DOCK8: variants seen among roughly 807,000 people sequenced by gnomAD.
DOCK8 encodes the protein dedicator of cytokinesis protein 8.
Under a neutral mutation model 245.6 loss-of-function variants are expected in DOCK8, and 141 were observed. The ratio of observed to expected loss-of-function variants is 0.57; its 90% CI spans 0.50 to 0.66. The LOEUF is 0.66. Among genes scored for constraint, DOCK8 ranks in the 30% least tolerant of loss-of-function variants. The pLI, the probability that DOCK8 is intolerant of heterozygous loss-of-function variation, is 0.00. For missense variants in DOCK8, 2,965 were observed against 2,603.4 expected (o/e 1.14, Z -3.02); for synonymous variants, 1,168 against 970.2 (o/e 1.20, Z -3.79).
At chr9:372,378 G>C (rs2053332347) in intron 18 of DOCK8, 92 bp downstream of exon 18, 1 of 1,007,244 alleles carries the variant, frequency 9.9e-7, no homozygotes, top group African/African-American at 1.6e-5. Context: ...TGTGGCCATG[G>C]ATGTTCATCA....
At chr9:316,939 T>G (rs1436076055) in intron 6 of DOCK8, 104 bp from the exon 7 acceptor site, 7 of 915,468 alleles carry the variant, frequency 7.6e-6, no homozygotes, top group Non-Finnish European at 1.1e-5. Context: ...CAAATCTAAG[T>G]TAACTTGAGC....
intron 27 of DOCK8, among the ~76,000 whole-genome samples, chr9:406,182 T>C (rs2055407789): frequency 6.6e-6 from 1 of 152,184 alleles, no homozygotes; most frequent in Non-Finnish European, 1.5e-5. Context: ...TCTGACAATG[T>C]GCTTAAGCCA....
At chr9:266,679 A>G (rs1185261118) in intron 1 of DOCK8, among the ~76,000 whole-genome samples, 1 of 152,206 alleles carries the variant, frequency 6.6e-6, no homozygotes, top group Non-Finnish European at 1.5e-5. Flanking sequence ...AAAAAAACAT[A>G]GAGCTTCTCT....
At chr9:461,399 A>G (rs984938493) in intron 46 of DOCK8, among the ~76,000 whole-genome samples, 1 of 150,254 alleles carries the variant, frequency 6.7e-6, no homozygotes, top group Non-Finnish European at 1.5e-5. Context: ...ATTTTTTCAT[A>G]TTTTTTTATT....
intron 1 of DOCK8, among the ~76,000 whole-genome samples, chr9:222,058 A>G (rs758048711): frequency 2.7e-4 from 41 of 152,030 alleles, no homozygotes; most frequent in Non-Finnish European, 5.4e-4. Context: ...CCAGGAGTTC[A>G]AGACCAGCCT....
chr9:245,459 C>T (rs1232400270), intron 1 of DOCK8, among the ~76,000 whole-genome samples: 1 of 152,164 alleles, frequency 6.6e-6, no homozygotes, highest in Non-Finnish European at 1.5e-5. Flanking sequence ...CTGCCCTCCT[C>T]AGCCTCCCAA....
At chr9:278,710 C>T (rs962604793) in intron 2 of DOCK8, among the ~76,000 whole-genome samples, 7 of 152,266 alleles carry the variant, frequency 4.6e-5, no homozygotes, top group African/African-American at 7.2e-5. Flanking sequence ...AGGAACAGTA[C>T]GTGCAAAGTC....
intron 26 of DOCK8, among the ~76,000 whole-genome samples, chr9:403,893 TATATATATATATATATATATATA>T (rs1333721285): frequency 0.014 from 887 of 65,442 alleles, 17 homozygotes; most frequent in African/African-American, 0.048. Flanking sequence ...TCTCTCTCTC[TATATATATATATATATATATATA>T]CATATATATA....
At chr9:346,689 C>T (rs991043989) in intron 14 of DOCK8, among the ~76,000 whole-genome samples, 1 of 152,162 alleles carries the variant, frequency 6.6e-6, no homozygotes, top group African/African-American at 2.4e-5. Context: ...TGAATGTTCT[C>T]AGACCAGAAG....
At chr9:224,855 G>T (rs1013826885) in intron 1 of DOCK8, among the ~76,000 whole-genome samples, 22 of 152,174 alleles carry the variant, frequency 1.4e-4, no homozygotes, top group African/African-American at 5.3e-4. Flanking sequence ...CACTGACAAT[G>T]CAGGAGTCCC....
At chr9:282,467 G>A (rs2048631011) in intron 2 of DOCK8, among the ~76,000 whole-genome samples, 1 of 142,698 alleles carries the variant, frequency 7.0e-6, no homozygotes, top group African/African-American at 2.7e-5. Context: ...CACTCAGGCT[G>A]GAGTGCAGTG....
At chr9:400,235 TCACCACCAC>T (rs1332850232) in intron 26 of DOCK8, among the ~76,000 whole-genome samples, 1 of 16,590 alleles carries the variant, frequency 6.0e-5, no homozygotes, top group Non-Finnish European at 1.1e-4. Flanking sequence ...ACCTCCACCA[TCACCACCAC>T]CTCCACCATC....
chr9:305,383 C>T (rs910854249), intron 5 of DOCK8, among the ~76,000 whole-genome samples: 9 of 151,598 alleles, frequency 5.9e-5, no homozygotes, highest in East Asian at 1.9e-4. Flanking sequence ...CCCGGGTTCA[C>T]GCCATTCTGC....
intron 20 of DOCK8, among the ~76,000 whole-genome samples, chr9:377,797 T>A (rs2053581993): frequency 6.6e-6 from 1 of 152,220 alleles, no homozygotes; most frequent in South Asian, 2.1e-4. Context: ...CGTTCTCTCT[T>A]ACAGTCTATT....
chr9:230,447 C>G (rs142030333), intron 1 of DOCK8, among the ~76,000 whole-genome samples: 4,741 of 152,076 alleles, frequency 0.031, 216 homozygotes, highest in African/African-American at 0.11. Flanking sequence ...AATGGTATTT[C>G]TAGTTCTAGA....
In DOCK8 at chr9:328,028, G is replaced by T; in HGVS notation, c.901G>T (p.Glu301Ter). Residue 301 changes from glutamate (E) to a stop codon, truncating the protein, a stop_gained, in exon 9 of 48, where the codon GAA becomes TAA. Coordinates refer to ENST00000432829, the MANE Select transcript of DOCK8 (RefSeq NM_203447.4). LOFTEE classifies it high-confidence loss of function. The stretch of plus-strand genomic sequence containing the variant: ...CTTTGCTGCTCATTTACAGATCTCA[G>T]AAAATTTTCACTGTGACCTGAACTC... ...YDVKERKKISENFHCDLNSDQ... is the reference protein window; with the variant it reads ...YDVKERKKIS The T allele has an allele frequency of 6.2e-7, 1 of 1,614,116 alleles. No homozygotes were observed. The highest frequency in any genetic ancestry group is 8.5e-7 in the Non-Finnish European group (1 of 1,179,968).
chr9:400,777 C>G, intron 26 of DOCK8, among the ~76,000 whole-genome samples: 1 of 129,254 alleles, frequency 7.7e-6, no homozygotes, highest in South Asian at 2.6e-4. Flanking sequence ...CCACCACCAC[C>G]ACCACCTCCA....
intron 4 of DOCK8, among the ~76,000 whole-genome samples, chr9:290,963 T>C (rs1255996625): frequency 6.6e-6 from 1 of 152,206 alleles, no homozygotes. Flanking sequence ...TTAAAAGTTA[T>C]TAAGAGAAAG....
At chr9:225,965 G>T (rs2046979961) in intron 1 of DOCK8, among the ~76,000 whole-genome samples, 1 of 152,182 alleles carries the variant, frequency 6.6e-6, no homozygotes, top group African/African-American at 2.4e-5. Context: ...GAGAGCTGAA[G>T]AGGGAAGTTA....
Sources: gnomAD v4.1 joint callset for allele counts (sites outside exome capture counted in the v4.1 genomes callset) on GRCh38, gnomAD v4.1.1 for gene constraint, MANE v1.5 for transcripts, NCBI Gene and HGNC (gene_info 2026-07-23, HGNC 2026-07-21) for gene names.